Variants in PACRG observed in about 807,000 individuals in gnomAD.
The protein encoded by PACRG is parkin coregulated.
PACRG carries 29 observed loss-of-function variants against 29.7 expected under a neutral mutation model. The observed-to-expected ratio is 0.98, with a 90% CI of 0.73 to 1.33. The LOEUF (loss-of-function observed/expected upper bound fraction) is 1.33, where lower values mean the gene tolerates loss of function less well. Among genes scored for constraint, PACRG ranks in the 40% most tolerant of loss-of-function variants. The probability of loss-of-function intolerance (pLI) is 0.00; values close to 1 mark genes in which losing one functional copy is unlikely to be tolerated. For synonymous variants in PACRG, 116 were observed against 118.7 expected, an observed-to-expected ratio of 0.98 and a Z score of 0.15; for missense variants, 279 against 316.2, an observed-to-expected ratio of 0.88 and a Z score of 0.89.
At position 162,960,408 on chromosome 6, in the gene PACRG, C is replaced by T. The variant is rs190373034; in HGVS notation, c.292-101742C>T. ...AAGAAAATGTGGTACATATACACCA[C>T]GGAATACTACACAGCCTTAAAAAGA... On this transcript the variant is annotated intron_variant, in intron 2 of 4. Transcript: ENST00000366888. 2.6e-4 allele frequency among the ~76,000 whole-genome samples: 39 copies of T among 152,302 alleles called. No individual in the cohort carries two copies. The East Asian group carries it at 2.7e-3, about 11-fold the overall frequency.
chr6:162,920,227 G>A (rs1225247566), intron 2 of PACRG, among the ~76,000 whole-genome samples: 2 of 152,176 alleles, frequency 1.3e-5, no homozygotes, highest in Non-Finnish European at 2.9e-5. Context: ...GAGAGGAAGA[G>A]AGGTGCTCTG....
intron 1 of PACRG, among the ~76,000 whole-genome samples, chr6:162,774,153 A>T (rs2128306050): frequency 6.6e-6 from 1 of 152,242 alleles, no homozygotes; most frequent in South Asian, 2.1e-4. Flanking sequence ...TGACTGACTA[A>T]ATCTAGAAAC....
At chr6:162,811,889 T>C (rs1206740370) in intron 1 of PACRG, among the ~76,000 whole-genome samples, 1 of 152,164 alleles carries the variant, frequency 6.6e-6, no homozygotes, top group Middle Eastern at 3.2e-3. Flanking sequence ...AACAACCATG[T>C]CAGCGCTCAA....
chr6:162,793,693 TTAA>T (rs923754556), intron 1 of PACRG, among the ~76,000 whole-genome samples: 1 of 152,214 alleles, frequency 6.6e-6, no homozygotes, highest in Non-Finnish European at 1.5e-5. Context: ...GCTATGGAAT[TTAA>T]TAATTAGTCA....
chr6:163,085,271 T>G (rs1219204464), intron 3 of PACRG, among the ~76,000 whole-genome samples: 1 of 152,198 alleles, frequency 6.6e-6, no homozygotes, highest in Non-Finnish European at 1.5e-5. Flanking sequence ...TGTCTAATCC[T>G]TCCTCACTAA....
At chr6:162,857,144 T>C (rs554165950) in intron 2 of PACRG, among the ~76,000 whole-genome samples, 2 of 152,160 alleles carry the variant, frequency 1.3e-5, no homozygotes, top group Non-Finnish European at 2.9e-5. Context: ...CAACAGCCTT[T>C]GAGCTCCGGA....
rs183422886 is a variant in PACRG at position 163,206,211 on chromosome 6, G to A, written c.614-108616G>A. Reference sequence around the variant, plus strand: ...TTTGACCCAGCAATCTCCTTATTGGGTATATACCTGAAGTAATATAAATCA... The same window carrying A: ...TTTGACCCAGCAATCTCCTTATTGGATATATACCTGAAGTAATATAAATCA... On this transcript the variant is annotated intron_variant, in intron 4 of 4. Transcript: ENST00000366888. Among the ~76,000 whole-genome samples, 91 of 152,226 alleles carry A rather than the reference G, an allele frequency of 6.0e-4. 1 individual carries two copies. In the South Asian group the frequency reaches 0.017, roughly 28 times the overall value.
intron 4 of PACRG, among the ~76,000 whole-genome samples, chr6:163,308,818 T>C (rs1370178960): frequency 2.6e-5 from 4 of 152,126 alleles, no homozygotes; most frequent in African/African-American, 7.2e-5. Flanking sequence ...GCTCGCTTTC[T>C]CTCTCACCAC....
intron 4 of PACRG, among the ~76,000 whole-genome samples, chr6:163,131,162 T>G (rs996772634): frequency 5.9e-5 from 9 of 151,346 alleles, no homozygotes; most frequent in African/African-American, 2.2e-4. Context: ...CAAAAAATTA[T>G]CCGGGCGTGG....
At chr6:163,287,489 C>T (rs1226674672) in intron 4 of PACRG, among the ~76,000 whole-genome samples, 1 of 152,206 alleles carries the variant, frequency 6.6e-6, no homozygotes, top group African/African-American at 2.4e-5. Flanking sequence ...GCTGCCCAGG[C>T]CCCTCACAGC....
At chr6:163,115,570 A>G (rs1260397336) in intron 4 of PACRG, among the ~76,000 whole-genome samples, 3 of 151,612 alleles carry the variant, frequency 2.0e-5, no homozygotes, top group African/African-American at 7.3e-5. Context: ...AAGATTATAC[A>G]TGAGTGAGGA....
intron 2 of PACRG, among the ~76,000 whole-genome samples, chr6:163,018,894 T>G (rs538755930): frequency 6.6e-6 from 1 of 152,218 alleles, no homozygotes; most frequent in South Asian, 2.1e-4. Context: ...TCATCACTCT[T>G]TTGATTTTCA....
intron 2 of PACRG, chr6:163,051,411 A>G (rs1809997667): frequency 6.6e-6 from 1 of 151,954 alleles, no homozygotes; most frequent in Non-Finnish European, 1.5e-5. Flanking sequence ...GCAAGTGTTC[A>G]TGTTTTTACA....
chr6:163,112,082 A>G (rs1815745060), intron 4 of PACRG: 1 of 947,430 alleles, frequency 1.1e-6, no homozygotes, highest in Non-Finnish European at 1.3e-6. Flanking sequence ...CAAGGCATTG[A>G]GGGAAAGGAT....
chr6:163,179,394 T>TAAA, intron 4 of PACRG: 26 of 216,136 alleles, frequency 1.2e-4, no homozygotes, highest in East Asian at 3.7e-4. Context: ...TTCTTTAAAT[T>TAAA]AAAAAAAAAA....
rs561959511 is a variant in PACRG, at chr6:163,027,795, G to A, written c.292-34355G>A. Among the ~76,000 whole-genome samples the A allele has an allele frequency of 4.6e-5, 7 of 152,284 alleles. No homozygotes were observed. The South Asian group carries it at 1.4e-3, about 32-fold the overall frequency. Reference sequence around the variant, plus strand: ...ATGGGGAGGAAGTGGCACCCAACAGGGTGCAGCTCCTTCATCTGCATAGAA... The same window carrying A: ...ATGGGGAGGAAGTGGCACCCAACAGAGTGCAGCTCCTTCATCTGCATAGAA... On this transcript the variant is annotated intron_variant, in intron 2 of 4. Coordinates refer to ENST00000366888, the MANE Select transcript of PACRG (RefSeq NM_001080379.2).
chr6:162,863,673 T>C (rs535922277), intron 2 of PACRG, among the ~76,000 whole-genome samples: 12 of 152,330 alleles, frequency 7.9e-5, no homozygotes, highest in African/African-American at 2.9e-4. Flanking sequence ...CTTTCATATG[T>C]GTTATTTCAT....
chr6:162,800,110 C>T (rs941005972), intron 1 of PACRG, among the ~76,000 whole-genome samples: 3 of 152,150 alleles, frequency 2.0e-5, no homozygotes, highest in Non-Finnish European at 4.4e-5. Context: ...AAATTGAAGT[C>T]TCTGATGACT....
At position 162,761,113 on chromosome 6, in the gene PACRG, C is replaced by T. The variant is rs199816987; in HGVS notation, c.156+32722C>T. ...CCTCATGGTGGCTGATGCCCCAGCC[C>T]GCCTCGTGTGATTAGATAGGATAGA... On this transcript the variant is annotated intron_variant, in intron 1 of 4. Transcript: ENST00000366888. 1.4e-4 allele frequency among the ~76,000 whole-genome samples: 22 copies of T among 152,180 alleles called. No individual in the cohort carries two copies. The East Asian group carries it at 2.1e-3, about 15-fold the overall frequency.
Sources: gnomAD v4.1 joint callset for allele counts (sites outside exome capture counted in the v4.1 genomes callset) on GRCh38, gnomAD v4.1.1 for gene constraint, MANE v1.5 for transcripts, NCBI Gene and HGNC (gene_info 2026-07-23, HGNC 2026-07-21) for gene names.